The following PCMTD1 variants were observed in gnomAD, a reference collection of about 807,000 sequenced individuals.
PCMTD1 encodes the protein protein-L-isoaspartate O-methyltransferase domain-containing protein 1.
PCMTD1 carries 12 observed loss-of-function variants against 37.6 expected under a neutral mutation model. That is an observed-to-expected ratio of 0.32 (90% CI 0.20 to 0.52). The LOEUF (loss-of-function observed/expected upper bound fraction) is 0.52. Among genes scored for constraint, PCMTD1 ranks in the 20% least tolerant of loss-of-function variants. The pLI, the probability that PCMTD1 is intolerant of heterozygous loss-of-function variation, is 0.97. For missense variants in PCMTD1, 235 were observed against 421.3 expected (o/e 0.56, Z 3.87); for synonymous variants, 117 against 135.8 (o/e 0.86, Z 0.96).
intron 1 of PCMTD1, among the ~76,000 whole-genome samples, chr8:51,890,984 C>T (rs899667822): frequency 3.9e-5 from 6 of 152,294 alleles, no homozygotes; most frequent in East Asian, 1.9e-4. Context: ...AAAAACCATA[C>T]GAGCCTCAGG....
At chr8:51,846,945 G>A (rs575497940) in intron 2 of PCMTD1, among the ~76,000 whole-genome samples, 1 of 152,078 alleles carries the variant, frequency 6.6e-6, no homozygotes, top group South Asian at 2.1e-4. Context: ...TGTTCCAATA[G>A]GAAAAATAAA....
intron 1 of PCMTD1, among the ~76,000 whole-genome samples, chr8:51,881,281 T>C (rs2038787862): frequency 6.6e-6 from 1 of 152,192 alleles, no homozygotes; most frequent in South Asian, 2.1e-4. Flanking sequence ...TTTATATTCT[T>C]CAAGCTTAAC....
At chr8:51,871,417 G>A (rs1029247633) in intron 1 of PCMTD1, among the ~76,000 whole-genome samples, 1 of 152,164 alleles carries the variant, frequency 6.6e-6, no homozygotes, top group Non-Finnish European at 1.5e-5. Context: ...CTGCCCTTCC[G>A]TGCTCACAGG....
At chr8:51,850,689 C>T (rs903001551) in intron 2 of PCMTD1, among the ~76,000 whole-genome samples, 1 of 152,078 alleles carries the variant, frequency 6.6e-6, no homozygotes, top group Non-Finnish European at 1.5e-5. Context: ...ATATTCACCA[C>T]AAGGGGGAGT....
chr8:51,880,224 G>A (rs1306333017), intron 1 of PCMTD1, among the ~76,000 whole-genome samples: 3 of 151,672 alleles, frequency 2.0e-5, no homozygotes, highest in Non-Finnish European at 2.9e-5. Flanking sequence ...AAAAAGAGGG[G>A]AGGGGGGCAG....
At chr8:51,832,786 A>AT (rs775615097) in intron 4 of PCMTD1, among the ~76,000 whole-genome samples, 1 of 151,270 alleles carries the variant, frequency 6.6e-6, no homozygotes, top group Non-Finnish European at 1.5e-5. Flanking sequence ...ACTAATGAAG[A>AT]TTTTTTTAGT....
At chr8:51,860,729 A>C in intron 2 of PCMTD1, 116 bp downstream of exon 2, 1 of 860,610 alleles carries the variant, frequency 1.2e-6, no homozygotes, top group Non-Finnish European at 1.7e-6. Context: ...GAAGATACCT[A>C]CACTGTGTAT....
At chr8:51,877,863 A>G (rs945985387) in intron 1 of PCMTD1, among the ~76,000 whole-genome samples, 3 of 152,206 alleles carry the variant, frequency 2.0e-5, no homozygotes, top group Non-Finnish European at 4.4e-5. Flanking sequence ...TTTAATAACT[A>G]TACTGCGCTT....
intron 1 of PCMTD1, among the ~76,000 whole-genome samples, chr8:51,863,183 A>C (rs190795064): frequency 2.0e-5 from 3 of 152,336 alleles, no homozygotes; most frequent in African/African-American, 7.2e-5. Flanking sequence ...TAAGGATTTC[A>C]TAAGAATAAT....
intron 5 of PCMTD1, 121 bp from the exon 6 acceptor site, chr8:51,820,839 A>G (rs552104975): frequency 8.7e-7 from 1 of 1,152,204 alleles, no homozygotes; most frequent in East Asian, 2.7e-5. Context: ...AGAAAATATG[A>G]AAACTCTACC....
At chr8:51,888,295 T>C (rs2038891801) in intron 1 of PCMTD1, among the ~76,000 whole-genome samples, 1 of 152,178 alleles carries the variant, frequency 6.6e-6, no homozygotes, top group Admixed American at 6.5e-5. Flanking sequence ...TTCAAAATTG[T>C]CAATTCAATG....
At chr8:51,887,742 TTTC>T (rs1222765696) in intron 1 of PCMTD1, among the ~76,000 whole-genome samples, 1 of 74,926 alleles carries the variant, frequency 1.3e-5, no homozygotes, top group Non-Finnish European at 4.4e-5. Context: ...GTTTTCATAA[TTTC>T]TTTTTTTTTT....
chr8:51,898,483 G>C (rs1047133562), intron 1 of PCMTD1, among the ~76,000 whole-genome samples: 1 of 152,018 alleles, frequency 6.6e-6, no homozygotes, highest in Non-Finnish European at 1.5e-5. Flanking sequence ...AACCAAAACA[G>C]AAGTCACTGG....
At chr8:51,898,852 T>G in intron 1 of PCMTD1, 78 bp downstream of exon 1, 1 of 1,218,606 alleles carries the variant, frequency 8.2e-7, no homozygotes. Context: ...TCCAAGCGCA[T>G]CCCAGTCGCC....
intron 1 of PCMTD1, chr8:51,870,525 T>C (rs2038624162): frequency 6.6e-6 from 1 of 152,328 alleles, no homozygotes; most frequent in East Asian, 1.9e-4. Flanking sequence ...TGAATACAAA[T>C]CTTAAATTTT....
chr8:51,881,455 C>T (rs550157767), intron 1 of PCMTD1, among the ~76,000 whole-genome samples: 4 of 152,234 alleles, frequency 2.6e-5, no homozygotes, highest in South Asian at 2.1e-4. Flanking sequence ...TAAGACAAAA[C>T]GCCTCAATTT....
At chr8:51,847,278 A>AT (rs2038235872) in intron 2 of PCMTD1, among the ~76,000 whole-genome samples, 5 of 152,250 alleles carry the variant, frequency 3.3e-5, no homozygotes, top group African/African-American at 9.6e-5. Context: ...GAATTTCCAT[A>AT]GATGTCAACA....
intron 5 of PCMTD1, chr8:51,827,205 TA>T: frequency 1.8e-6 from 2 of 1,138,986 alleles, no homozygotes; most frequent in Non-Finnish European, 2.2e-6. Flanking sequence ...ATGAAGCTTT[TA>T]TTTTTTAGAA....
rs573934147 is a variant in PCMTD1 at position 51,839,482 on chromosome 8, A to G, written c.411-5793T>C. 38 of 985,428 alleles carry G rather than the reference A, an allele frequency of 3.9e-5. No individual in the cohort carries two copies. The African/African-American group carries it at 5.9e-4, about 15-fold the overall frequency. The allele number at this position is 985,428 out of a possible 1,614,324, so 61.0% of individuals were successfully genotyped here. A position where few individuals can be genotyped will look rare whatever the true frequency, so the allele number is the denominator to read the frequency against. On this transcript the variant is annotated intron_variant, in intron 3 of 5. Coordinates refer to ENST00000522514, the MANE Select transcript of PCMTD1 (RefSeq NM_052937.4). ...GTTTTCTTTATAGGTGCATGTTGGA[A>G]TATCTTCATCTTGAGATGGACAGAT...
Sources: gnomAD v4.1 joint callset for allele counts (sites outside exome capture counted in the v4.1 genomes callset) on GRCh38, gnomAD v4.1.1 for gene constraint, MANE v1.5 for transcripts, NCBI Gene and HGNC (gene_info 2026-07-23, HGNC 2026-07-21) for gene names.